Variants in COL19A1 observed in about 807,000 individuals in gnomAD.
The protein encoded by COL19A1 is collagen alpha-1(XIX) chain.
A neutral mutation model predicts 190.2 loss-of-function variants in COL19A1; 159 were observed. The ratio of observed to expected loss-of-function variants is 0.84; its 90% CI spans 0.73 to 0.95. The LOEUF (loss-of-function observed/expected upper bound fraction) is 0.95, where lower values mean the gene tolerates loss of function less well. Ranked by LOEUF, COL19A1 falls within the 40% of genes least tolerant of loss-of-function variation. The pLI is 0.00. For synonymous variants in COL19A1, 509 were observed against 458.9 expected (o/e 1.11, Z -1.39); for missense variants, 1,418 against 1,431.9 (o/e 0.99, Z 0.16).
chr6:70,060,577 C>A (rs1410478812), intron 14 of COL19A1, among the ~76,000 whole-genome samples: 1 of 152,018 alleles, frequency 6.6e-6, no homozygotes, highest in African/African-American at 2.4e-5. Flanking sequence ...AGAGCATGAA[C>A]CCTATTGTGA....
chr6:70,095,776 A>G (rs1190336835), intron 15 of COL19A1, among the ~76,000 whole-genome samples: 1 of 152,160 alleles, frequency 6.6e-6, no homozygotes, highest in African/African-American at 2.4e-5. Flanking sequence ...ATATAAATGG[A>G]ATCATAGAGT....
At chr6:70,134,002 C>A (rs1307100805) in intron 18 of COL19A1, among the ~76,000 whole-genome samples, 1 of 152,196 alleles carries the variant, frequency 6.6e-6, no homozygotes, top group Non-Finnish European at 1.5e-5. Context: ...TTGTCCTCCC[C>A]TTCCCCTTTG....
chr6:69,987,122 A>G, intron 11 of COL19A1, among the ~76,000 whole-genome samples: 1 of 152,136 alleles, frequency 6.6e-6, no homozygotes. Flanking sequence ...ATCAAGAGGC[A>G]TCATCCCAAA....
chr6:70,039,536 A>T (rs1167868770), intron 14 of COL19A1, among the ~76,000 whole-genome samples: 1 of 152,236 alleles, frequency 6.6e-6, no homozygotes, highest in Non-Finnish European at 1.5e-5. Flanking sequence ...TTCAGGACAC[A>T]GAATTCCAGA....
At chr6:70,115,829 T>TC (rs1313783286) in intron 16 of COL19A1, among the ~76,000 whole-genome samples, 1 of 89,988 alleles carries the variant, frequency 1.1e-5, no homozygotes, top group African/African-American at 3.1e-5. Flanking sequence ...TGTTTTGTTT[T>TC]TTTTTTTTTT....
chr6:69,955,650 C>G (rs1774375974), intron 9 of COL19A1, among the ~76,000 whole-genome samples: 1 of 151,096 alleles, frequency 6.6e-6, no homozygotes, highest in Admixed American at 6.6e-5. Context: ...GTGCTGAGTT[C>G]TGAGAGCCAC....
chr6:70,054,395 A>G (rs1170312877), intron 14 of COL19A1, among the ~76,000 whole-genome samples: 2 of 152,164 alleles, frequency 1.3e-5, no homozygotes, highest in Non-Finnish European at 1.5e-5. Context: ...ATGAATAGCC[A>G]TTTTTTGTCA....
intron 4 of COL19A1, among the ~76,000 whole-genome samples, chr6:69,915,851 T>C (rs1438612947): frequency 6.6e-6 from 1 of 152,090 alleles, no homozygotes; most frequent in Non-Finnish European, 1.5e-5. Context: ...ACGTTTTACC[T>C]TTCTTCACAT....
intron 16 of COL19A1, among the ~76,000 whole-genome samples, chr6:70,118,669 T>A (rs1784718685): frequency 1.3e-5 from 2 of 152,248 alleles, no homozygotes; most frequent in Admixed American, 6.5e-5. Flanking sequence ...CGAGTACTAC[T>A]TTGAAGATAA....
At chr6:70,090,124 C>A (rs7754828) in intron 15 of COL19A1, among the ~76,000 whole-genome samples, 40,398 of 151,226 alleles carry the variant, frequency 0.27, 7,254 homozygotes, top group African/African-American at 0.47. Context: ...CTGCTGTGAG[C>A]AATGATCACA....
chr6:69,917,890 C>T (rs765009756), intron 4 of COL19A1, among the ~76,000 whole-genome samples: 5 of 152,282 alleles, frequency 3.3e-5, no homozygotes, highest in Middle Eastern at 3.4e-3. Context: ...GTTTGGGCTG[C>T]TTCAAAGCCA....
chr6:69,923,054 G>C (rs1245335305), intron 4 of COL19A1, among the ~76,000 whole-genome samples: 3 of 152,090 alleles, frequency 2.0e-5, no homozygotes, highest in Admixed American at 6.6e-5. Context: ...TGCTTTGTAA[G>C]AAACCACTAC....
At chr6:70,192,480 T>TC (rs1766936339) in intron 48 of COL19A1, among the ~76,000 whole-genome samples, 1 of 129,678 alleles carries the variant, frequency 7.7e-6, no homozygotes, top group Non-Finnish European at 1.7e-5. Flanking sequence ...TCTTTCTTTA[T>TC]TTCTCTCTCT....
At chr6:69,912,157 A>G (rs1342870630) in intron 4 of COL19A1, among the ~76,000 whole-genome samples, 1 of 152,092 alleles carries the variant, frequency 6.6e-6, no homozygotes, top group Non-Finnish European at 1.5e-5. Context: ...TATCCTAGAA[A>G]GCTTAGTACA....
intron 23 of COL19A1, among the ~76,000 whole-genome samples, chr6:70,143,888 G>C (rs879001461): frequency 6.6e-6 from 1 of 151,930 alleles, no homozygotes; most frequent in Non-Finnish European, 1.5e-5. Context: ...TATTTTTCTA[G>C]TTGCCCTAGA....
intron 13 of COL19A1, among the ~76,000 whole-genome samples, chr6:70,034,649 TG>T (rs1242113962): frequency 2.0e-5 from 3 of 152,190 alleles, no homozygotes. Flanking sequence ...AAGTGGCTTT[TG>T]GAAAGAAGCT....
chr6:69,981,751 T>C (rs1404562624), intron 11 of COL19A1, among the ~76,000 whole-genome samples: 1 of 152,028 alleles, frequency 6.6e-6, no homozygotes, highest in Non-Finnish European at 1.5e-5. Flanking sequence ...AAAATATAGG[T>C]ATAAATATAT....
intron 11 of COL19A1, among the ~76,000 whole-genome samples, chr6:70,005,771 C>CTG (rs1356593416): frequency 2.0e-5 from 3 of 152,174 alleles, no homozygotes; most frequent in Non-Finnish European, 2.9e-5. Context: ...GTTAAGTCTG[C>CTG]TGGTCCACAG....
chr6:70,030,464 C>G (rs9454947), intron 12 of COL19A1, among the ~76,000 whole-genome samples: 1,945 of 152,236 alleles, frequency 0.013, 45 homozygotes, highest in African/African-American at 0.045. Flanking sequence ...ATACTGTCCT[C>G]CACTCCAGAG....
Sources: gnomAD v4.1 joint callset for allele counts (sites outside exome capture counted in the v4.1 genomes callset) on GRCh38, gnomAD v4.1.1 for gene constraint, MANE v1.5 for transcripts, NCBI Gene and HGNC (gene_info 2026-07-23, HGNC 2026-07-21) for gene names.